Variants in ERBB4 observed in about 807,000 individuals in gnomAD.
The protein encoded by ERBB4 is erb-b2 receptor tyrosine kinase 4.
Under a neutral mutation model 158.0 loss-of-function variants are expected in ERBB4, and 42 were observed. The ratio of observed to expected loss-of-function variants is 0.27; its 90% CI spans 0.21 to 0.34. ERBB4 has a LOEUF of 0.34. ERBB4 is among the 10% of genes least tolerant of loss of function. The pLI is 1.00. For synonymous variants in ERBB4, 583 were observed against 558.7 expected, an observed-to-expected ratio of 1.04 and a Z score of -0.61; for missense variants, 1,333 against 1,624.1, an observed-to-expected ratio of 0.82 and a Z score of 3.08.
chr2:211,871,246 C>A (rs1446674624), intron 3 of ERBB4, among the ~76,000 whole-genome samples: 3 of 152,160 alleles, frequency 2.0e-5, no homozygotes, highest in Admixed American at 1.3e-4. Context: ...TGCCGACAGT[C>A]CCAACTACTT....
intron 3 of ERBB4, among the ~76,000 whole-genome samples, chr2:211,909,240 A>G (rs2079478757): frequency 4.0e-5 from 6 of 151,810 alleles, no homozygotes; most frequent in Admixed American, 3.9e-4. Context: ...CAACGAGGAA[A>G]TAAAACAATG....
rs1217511257 is a variant in ERBB4, at chr2:212,522,774, T to C, written c.82+15675A>G. Reference sequence around the variant, plus strand: ...TATCGCCTCTGTTGAGAAATAGCTGTGTGATTTGTCCAATTACATAACTGA... The same window carrying C: ...TATCGCCTCTGTTGAGAAATAGCTGCGTGATTTGTCCAATTACATAACTGA... On this transcript the variant is annotated intron_variant, in intron 1 of 27. Transcript: ENST00000342788. Among the ~76,000 whole-genome samples the C allele has an allele frequency of 2.6e-5, 4 of 152,144 alleles. No individual in the cohort carries two copies. The South Asian group carries it at 6.2e-4, about 24-fold the overall frequency.
At chr2:211,825,933 G>T (rs1382742413) in intron 3 of ERBB4, among the ~76,000 whole-genome samples, 1 of 148,246 alleles carries the variant, frequency 6.7e-6, no homozygotes, top group Non-Finnish European at 1.5e-5. Flanking sequence ...GGGAGCTTTG[G>T]CTTAGGAAAA....
intron 1 of ERBB4, among the ~76,000 whole-genome samples, chr2:212,463,876 T>C (rs912622706): frequency 2.6e-5 from 4 of 152,164 alleles, no homozygotes; most frequent in African/African-American, 7.2e-5. Flanking sequence ...TTTAATCACC[T>C]TGTCTAAATA....
chr2:212,514,070 G>A (rs1244965455), intron 1 of ERBB4, among the ~76,000 whole-genome samples: 1 of 152,058 alleles, frequency 6.6e-6, no homozygotes, highest in Non-Finnish European at 1.5e-5. Flanking sequence ...TCTATAGACA[G>A]GAGAAGACAT....
At chr2:212,282,884 A>G (rs1030600913) in intron 1 of ERBB4, among the ~76,000 whole-genome samples, 2 of 151,942 alleles carry the variant, frequency 1.3e-5, no homozygotes, top group Non-Finnish European at 2.9e-5. Context: ...AATTGACCCA[A>G]TCCAGTTTCT....
chr2:211,543,892 T>C (rs2066876878), intron 20 of ERBB4, among the ~76,000 whole-genome samples: 1 of 151,772 alleles, frequency 6.6e-6, no homozygotes, highest in South Asian at 2.1e-4. Context: ...TACCTCTATC[T>C]CAATGATTGA....
intron 1 of ERBB4, among the ~76,000 whole-genome samples, chr2:212,519,920 A>G (rs1021372197): frequency 5.9e-5 from 9 of 152,014 alleles, no homozygotes; most frequent in Non-Finnish European, 1.0e-4. Flanking sequence ...AATTTTGAGT[A>G]TTCACAATTC....
chr2:211,633,851 A>G lies in ERBB4; in HGVS notation c.1947-3257T>C, dbSNP rs187082918. 3.7e-3 allele frequency among the ~76,000 whole-genome samples: 569 copies of G among 152,196 alleles called. 1 individual carries two copies. The highest frequency in any genetic ancestry group is 0.013 in the African/African-American group (549 of 41,536). The stretch of plus-strand genomic sequence containing the variant: ...CAAACTATACATCTAACAAAGGTCA[A>G]ATATCCAGAATATGCAAGAAACTTG... On this transcript the variant is annotated intron_variant, in intron 16 of 27. Coordinates refer to ENST00000342788, the MANE Select transcript of ERBB4 (RefSeq NM_005235.3).
chr2:212,520,254 C>T (rs979124), intron 1 of ERBB4, among the ~76,000 whole-genome samples: 91,804 of 151,766 alleles, frequency 0.6, 29,780 homozygotes, highest in African/African-American at 0.84. Context: ...TAGTTTAATA[C>T]TCCAATTTAT....
chr2:211,982,143 T>TAA (rs2081817297), intron 2 of ERBB4, among the ~76,000 whole-genome samples: 1 of 152,000 alleles, frequency 6.6e-6, no homozygotes, highest in East Asian at 1.9e-4. Context: ...AATTTATAAA[T>TAA]ATATATTGAG....
chr2:212,413,548 C>A (rs1003210567), intron 1 of ERBB4, among the ~76,000 whole-genome samples: 10 of 151,952 alleles, frequency 6.6e-5, no homozygotes, highest in African/African-American at 2.4e-4. Flanking sequence ...AACTGTAAAA[C>A]AGTTCTATGG....
At chr2:211,771,906 G>C (rs2075700843) in intron 4 of ERBB4, among the ~76,000 whole-genome samples, 1 of 152,016 alleles carries the variant, frequency 6.6e-6, no homozygotes, top group East Asian at 1.9e-4. Flanking sequence ...GGTAGTACCT[G>C]GTGTACAAGG....
At position 211,657,836 on chromosome 2, in the gene ERBB4, C is replaced by G; in HGVS notation, c.1872-8G>C. 1 of 1,613,334 alleles carries G rather than the reference C, an allele frequency of 6.2e-7. No homozygotes were observed. The highest frequency in any genetic ancestry group is 8.5e-7 in the Non-Finnish European group (1 of 1,179,358). On this transcript the variant is annotated splice_region_variant and splice_polypyrimidine_tract_variant and intron_variant, in intron 15 of 27. Transcript: ENST00000342788. ...CTAGTGGGACCGTTACACCTGCAGGCAATTACAGAACAGAAAACATCATTC... is the reference window on the plus strand; with the variant it reads ...CTAGTGGGACCGTTACACCTGCAGGGAATTACAGAACAGAAAACATCATTC...
chr2:212,162,708 G>A (rs1384810869), intron 1 of ERBB4, among the ~76,000 whole-genome samples: 1 of 151,880 alleles, frequency 6.6e-6, no homozygotes, highest in African/African-American at 2.4e-5. Context: ...GGGCAATAAT[G>A]AGGAGAAATG....
intron 1 of ERBB4, among the ~76,000 whole-genome samples, chr2:212,139,820 G>A (rs1472176368): frequency 4.6e-5 from 7 of 151,864 alleles, no homozygotes; most frequent in South Asian, 2.1e-4. Flanking sequence ...GCCACAGCAC[G>A]AATCTGATCA....
chr2:211,444,369 T>C (rs1385702424), intron 20 of ERBB4, among the ~76,000 whole-genome samples: 1 of 152,068 alleles, frequency 6.6e-6, no homozygotes, highest in Non-Finnish European at 1.5e-5. Context: ...TGTAAATATA[T>C]AACTGTACAT....
chr2:212,445,933 G>C (rs1321626981), intron 1 of ERBB4, among the ~76,000 whole-genome samples: 1 of 152,198 alleles, frequency 6.6e-6, no homozygotes, highest in Non-Finnish European at 1.5e-5. Flanking sequence ...AAACATGTTT[G>C]TGTATGTATA....
intron 1 of ERBB4, among the ~76,000 whole-genome samples, chr2:212,329,921 T>C (rs953425166): frequency 1.3e-5 from 2 of 152,028 alleles, no homozygotes; most frequent in African/African-American, 4.8e-5. Flanking sequence ...ATTCACCAAC[T>C]TTTCCAGTGT....
Sources: allele counts gnomAD v4.1 joint callset (sites outside exome capture counted in the v4.1 genomes callset), GRCh38; gene constraint gnomAD v4.1.1; transcripts MANE v1.5; gene names NCBI Gene and HGNC (gene_info 2026-07-23, HGNC 2026-07-21).